ALCAM: variants seen among roughly 807,000 people sequenced by gnomAD.
The protein encoded by ALCAM is CD166 antigen.
In ALCAM, 30 loss-of-function variants were observed where a neutral mutation model predicts 70.9. The observed-to-expected ratio is 0.42, with a 90% CI of 0.32 to 0.57. The LOEUF (loss-of-function observed/expected upper bound fraction) is 0.57, where lower values mean the gene tolerates loss of function less well. Ranked by LOEUF, ALCAM falls within the 20% of genes least tolerant of loss-of-function variation. ALCAM has a pLI of 0.11. For synonymous variants in ALCAM, 249 were observed against 242.5 expected (o/e 1.03, Z -0.25); for missense variants, 591 against 695.1 (o/e 0.85, Z 1.68).
chr3:105,563,752 A>G (rs1201994702), intron 14 of ALCAM, among the ~76,000 whole-genome samples: 2 of 127,636 alleles, frequency 1.6e-5, no homozygotes, highest in Non-Finnish European at 3.1e-5. Flanking sequence ...CAGTGGCGCA[A>G]TCTCGGCTCA....
intron 1 of ALCAM, among the ~76,000 whole-genome samples, chr3:105,463,444 A>G (rs1268296438): frequency 6.6e-6 from 1 of 151,512 alleles, no homozygotes; most frequent in Non-Finnish European, 1.5e-5. Context: ...GCTACCTTTA[A>G]GTTACATAAC....
At chr3:105,383,669 G>T (rs374114887) in intron 1 of ALCAM, among the ~76,000 whole-genome samples, 8 of 151,616 alleles carry the variant, frequency 5.3e-5, no homozygotes, top group Admixed American at 4.0e-4. Flanking sequence ...AATAAAGTTA[G>T]ATTTCTTCTG....
chr3:105,396,016 G>A (rs1935941830), intron 1 of ALCAM, among the ~76,000 whole-genome samples: 1 of 151,974 alleles, frequency 6.6e-6, no homozygotes, highest in South Asian at 2.1e-4. Flanking sequence ...TAACATTGGA[G>A]GAGGGGAATT....
intron 1 of ALCAM, among the ~76,000 whole-genome samples, chr3:105,495,563 G>C (rs1229835970): frequency 6.6e-6 from 1 of 152,106 alleles, no homozygotes; most frequent in Non-Finnish European, 1.5e-5. Context: ...GAGACAACAA[G>C]TTTTAAAATA....
intron 14 of ALCAM, among the ~76,000 whole-genome samples, chr3:105,563,978 C>T (rs146325884): frequency 0.1 from 15,355 of 151,974 alleles, 986 homozygotes; most frequent in Middle Eastern, 0.16. Flanking sequence ...TGAGCCACCG[C>T]GCCCGGCCCA....
chr3:105,470,074 C>G (rs920063069), intron 1 of ALCAM, among the ~76,000 whole-genome samples: 1 of 146,858 alleles, frequency 6.8e-6, no homozygotes, highest in Non-Finnish European at 1.5e-5. Flanking sequence ...CCATACCATA[C>G]ACACACATTT....
At chr3:105,547,643 G>T (rs1264193363) in intron 11 of ALCAM, 120 bp downstream of exon 11, 15 of 1,240,850 alleles carry the variant, frequency 1.2e-5, no homozygotes, top group Non-Finnish European at 1.7e-5. Flanking sequence ...AGGTTGGTTT[G>T]TTACCACATA....
At chr3:105,427,246 C>T (rs1392994940) in intron 1 of ALCAM, among the ~76,000 whole-genome samples, 1 of 151,886 alleles carries the variant, frequency 6.6e-6, no homozygotes, top group Non-Finnish European at 1.5e-5. Context: ...ATCTCTCTCA[C>T]CCTTTTAGGA....
At chr3:105,374,765 G>T (rs1935335999) in intron 1 of ALCAM, among the ~76,000 whole-genome samples, 1 of 152,072 alleles carries the variant, frequency 6.6e-6, no homozygotes, top group Non-Finnish European at 1.5e-5. Flanking sequence ...TGATCTACAT[G>T]CCGCGGCCTC....
At chr3:105,457,739 A>T (rs1937553270) in intron 1 of ALCAM, among the ~76,000 whole-genome samples, 1 of 152,136 alleles carries the variant, frequency 6.6e-6, no homozygotes, top group South Asian at 2.1e-4. Context: ...GAGATGTCAA[A>T]TGGGCTGCAG....
At chr3:105,501,728 G>A (rs963366379) in intron 1 of ALCAM, among the ~76,000 whole-genome samples, 5 of 152,132 alleles carry the variant, frequency 3.3e-5, no homozygotes, top group Admixed American at 3.3e-4. Flanking sequence ...AAATGAAACA[G>A]TACTATGCCT....
chr3:105,415,505 G>A (rs1039039114), intron 1 of ALCAM, among the ~76,000 whole-genome samples: 1 of 152,100 alleles, frequency 6.6e-6, no homozygotes, highest in African/African-American at 2.4e-5. Context: ...AAAACAACCT[G>A]ATGATCAGCC....
At chr3:105,566,871 G>A (rs1313231420) in intron 14 of ALCAM, among the ~76,000 whole-genome samples, 4 of 151,446 alleles carry the variant, frequency 2.6e-5, no homozygotes, top group South Asian at 4.2e-4. Context: ...TCTTTCTTAC[G>A]TATCTGAATT....
intron 1 of ALCAM, among the ~76,000 whole-genome samples, chr3:105,457,012 C>G (rs1019913385): frequency 1.3e-5 from 2 of 150,928 alleles, no homozygotes; most frequent in Non-Finnish European, 2.9e-5. Flanking sequence ...TAATTACACA[C>G]AGATGCTGTC....
At position 105,533,586 on chromosome 3, in the gene ALCAM, G is replaced by A; in HGVS notation, c.460-17G>A. On this transcript the variant is annotated splice_polypyrimidine_tract_variant and intron_variant, in intron 4 of 15. Transcript: ENST00000306107. ...CTGATTGAACCAAGGTAATAACATTGCCTTTTTATTTTGCAGTTGGGTGAC... is the reference window on the plus strand; with the variant it reads ...CTGATTGAACCAAGGTAATAACATTACCTTTTTATTTTGCAGTTGGGTGAC... The A allele has an allele frequency of 6.3e-7, 1 of 1,599,228 alleles. No homozygotes were observed.
At chr3:105,534,331 T>C (rs1939916126) in intron 5 of ALCAM, among the ~76,000 whole-genome samples, 1 of 152,176 alleles carries the variant, frequency 6.6e-6, no homozygotes, top group Non-Finnish European at 1.5e-5. Context: ...TATGCTCTGT[T>C]ACTTTAAGTA....
chr3:105,523,189 C>CCATAAAGT (rs1445453597), intron 2 of ALCAM, among the ~76,000 whole-genome samples: 12 of 147,780 alleles, frequency 8.1e-5, no homozygotes, highest in Non-Finnish European at 6.0e-5. Flanking sequence ...AAAACACCTG[C>CCATAAAGT]CATAAAGTTA....
Position 105,534,858 on chromosome 3 carries a change from A to G in ALCAM, c.730+13A>G, listed in dbSNP as rs772713149. On this transcript the variant is annotated intron_variant, in intron 6 of 15. Coordinates refer to ENST00000306107, the MANE Select transcript of ALCAM (RefSeq NM_001627.4). ...TTTGATATTTACTGTAAGTAATTCA[A>G]TATATAATTATGCTATTTAATGTAT... 2 of 1,587,428 alleles carry G rather than the reference A, an allele frequency of 1.3e-6. No individual in the cohort carries two copies. The highest frequency in any genetic ancestry group is 1.1e-5 in the South Asian group (1 of 88,466).
intron 1 of ALCAM, among the ~76,000 whole-genome samples, chr3:105,468,212 C>A (rs1471047665): frequency 6.6e-6 from 1 of 151,336 alleles, no homozygotes; most frequent in Non-Finnish European, 1.5e-5. Context: ...CTTTGCCGTT[C>A]TCTTTCTCTG....
Sources: gnomAD v4.1 joint callset for allele counts (sites outside exome capture counted in the v4.1 genomes callset) on GRCh38, gnomAD v4.1.1 for gene constraint, MANE v1.5 for transcripts, NCBI Gene and HGNC (gene_info 2026-07-23, HGNC 2026-07-21) for gene names.